THSD7A: variants seen among roughly 807,000 people sequenced by gnomAD.
The protein encoded by THSD7A is thrombospondin type 1 domain containing 7A.
In THSD7A, 96 loss-of-function variants were observed where a neutral mutation model predicts 231.3. That is an observed-to-expected ratio of 0.41 (90% confidence interval 0.35 to 0.49). The LOEUF (loss-of-function observed/expected upper bound fraction) is 0.49, where lower values mean the gene tolerates loss of function less well. Ranked by LOEUF, THSD7A falls within the 20% of genes least tolerant of loss-of-function variation. The probability of loss-of-function intolerance (pLI) is 0.05; values close to 1 mark genes in which losing one functional copy is unlikely to be tolerated. For missense variants in THSD7A, 2,290 were observed against 2,070.2 expected, an observed-to-expected ratio of 1.11 and a Z score of -2.06; for synonymous variants, 940 against 743.3, an observed-to-expected ratio of 1.26 and a Z score of -4.30.
At chr7:11,645,331 A>G (rs935980117) in intron 1 of THSD7A, among the ~76,000 whole-genome samples, 1 of 151,622 alleles carries the variant, frequency 6.6e-6, no homozygotes, top group Non-Finnish European at 1.5e-5. Context: ...TGTATTTCCC[A>G]TCAGTGTTTT....
At chr7:11,379,970 A>G (rs1277256113) in intron 24 of THSD7A, among the ~76,000 whole-genome samples, 3 of 152,170 alleles carry the variant, frequency 2.0e-5, no homozygotes, top group Non-Finnish European at 2.9e-5. Context: ...GAATGATTTT[A>G]TAGCTGCTAT....
At chr7:11,809,141 A>C (rs182118014) in intron 1 of THSD7A, among the ~76,000 whole-genome samples, 11 of 152,312 alleles carry the variant, frequency 7.2e-5, no homozygotes, top group Middle Eastern at 3.4e-3. Flanking sequence ...TGACTAAGAC[A>C]GCTTTTGCCT....
intron 1 of THSD7A, among the ~76,000 whole-genome samples, chr7:11,794,312 G>A (rs1784054206): frequency 6.6e-6 from 1 of 151,902 alleles, no homozygotes; most frequent in Admixed American, 6.6e-5. Flanking sequence ...TCAAAGCTCT[G>A]ACAGTGTTTC....
intron 6 of THSD7A, among the ~76,000 whole-genome samples, chr7:11,488,258 T>A (rs1211912244): frequency 6.6e-6 from 1 of 152,174 alleles, no homozygotes; most frequent in African/African-American, 2.4e-5. Flanking sequence ...CACATTGACT[T>A]TTGAGAGTGA....
chr7:11,513,574 A>T (rs1056902497), intron 6 of THSD7A, among the ~76,000 whole-genome samples: 4 of 152,188 alleles, frequency 2.6e-5, no homozygotes, highest in Non-Finnish European at 5.9e-5. Context: ...CATTCTATTT[A>T]TAGAAATACC....
At chr7:11,587,774 T>C (rs1377235279) in intron 4 of THSD7A, among the ~76,000 whole-genome samples, 1 of 152,190 alleles carries the variant, frequency 6.6e-6, no homozygotes, top group African/African-American at 2.4e-5. Flanking sequence ...TATGCTAAGG[T>C]AGTCAGTATC....
intron 1 of THSD7A, among the ~76,000 whole-genome samples, chr7:11,705,700 C>T (rs369064853): frequency 2.0e-5 from 3 of 150,962 alleles, no homozygotes; most frequent in African/African-American, 4.8e-5. Flanking sequence ...AGTGGGCAAA[C>T]GATTCTTTAG....
chr7:11,569,103 C>G (rs80), intron 4 of THSD7A, among the ~76,000 whole-genome samples: 127,227 of 152,030 alleles, frequency 0.84, 53,873 homozygotes, highest in African/African-American at 0.96. Context: ...AGAAAGCAAG[C>G]AAATGCTTCA....
At chr7:11,615,656 C>A (rs535042325) in intron 2 of THSD7A, among the ~76,000 whole-genome samples, 1 of 152,166 alleles carries the variant, frequency 6.6e-6, no homozygotes, top group South Asian at 2.1e-4. Flanking sequence ...AAGTGGTGGT[C>A]AGCTTTTTTG....
intron 1 of THSD7A, among the ~76,000 whole-genome samples, chr7:11,651,213 T>C (rs1427944253): frequency 6.6e-6 from 1 of 152,064 alleles, no homozygotes; most frequent in African/African-American, 2.4e-5. Context: ...ATCCCATTTA[T>C]ATGAAATACC....
chr7:11,757,476 G>C (rs67195807), intron 1 of THSD7A, among the ~76,000 whole-genome samples: 28,614 of 151,810 alleles, frequency 0.19, 3,381 homozygotes, highest in African/African-American at 0.33. Context: ...ATGAAAAAAA[G>C]AGAAGCAGTG....
intron 1 of THSD7A, among the ~76,000 whole-genome samples, chr7:11,769,153 A>ATATATTTTTTTTTTTTTTTTTTTT: frequency 3.6e-5 from 1 of 27,648 alleles, no homozygotes; most frequent in Non-Finnish European, 7.0e-5. Flanking sequence ...ATATATATAT[A>ATATATTTTTTTTTTTTTTTTTTTT]TTTTTTTTTT....
chr7:11,653,448 A>ATGTGTGTGTGTGTGTG (rs60933989), intron 1 of THSD7A, among the ~76,000 whole-genome samples: 17 of 127,132 alleles, frequency 1.3e-4, no homozygotes, highest in South Asian at 3.2e-4. Context: ...ACTCCCAGAT[A>ATGTGTGTGTGTGTGTG]TGTGTGTGTG....
At chr7:11,813,049 G>T (rs754699065) in intron 1 of THSD7A, among the ~76,000 whole-genome samples, 1 of 152,188 alleles carries the variant, frequency 6.6e-6, no homozygotes, top group Non-Finnish European at 1.5e-5. Context: ...CTGTGAAAAC[G>T]ATGTAGGCAA....
chr7:11,777,633 A>G (rs937311321), intron 1 of THSD7A, among the ~76,000 whole-genome samples: 8 of 152,234 alleles, frequency 5.3e-5, no homozygotes, highest in Admixed American at 4.6e-4. Context: ...CTGAATTCCT[A>G]TTGTTTGTCT....
chr7:11,390,747 T>C (rs1202954299), intron 23 of THSD7A, among the ~76,000 whole-genome samples: 1 of 152,238 alleles, frequency 6.6e-6, no homozygotes, highest in Non-Finnish European at 1.5e-5. Context: ...CATTGGTGTT[T>C]GATTTTGGTG....
chr7:11,444,866 CATT>C lies in THSD7A; in HGVS notation c.3064+1192_3064+1194del, dbSNP rs1784915774. 6.9e-6 allele frequency among the ~76,000 whole-genome samples: 1 copy of C among 145,902 alleles called. No homozygotes were observed. The highest frequency in any genetic ancestry group is 2.1e-4 in the South Asian group (1 of 4,682). ...AATTAAACTATATATATAAAACTATCATTATATATAACTATTTTATATATATAT... is the reference window on the plus strand; with the variant it reads ...AATTAAACTATATATATAAAACTATCATATATAACTATTTTATATATATAT... On this transcript the variant is annotated intron_variant, in intron 13 of 27. Transcript: ENST00000423059. The surrounding 1 kb of genome is among the most constrained non-coding windows in gnomAD (Gnocchi z 4.2).
chr7:11,511,955 G>C (rs1462960843), intron 6 of THSD7A, among the ~76,000 whole-genome samples: 1 of 152,128 alleles, frequency 6.6e-6, no homozygotes, highest in Non-Finnish European at 1.5e-5. Context: ...AAACTAAAGA[G>C]CTTCTGCACA....
intron 1 of THSD7A, among the ~76,000 whole-genome samples, chr7:11,778,517 A>G (rs751837537): frequency 1.1e-4 from 17 of 152,198 alleles, no homozygotes; most frequent in African/African-American, 1.7e-4. Flanking sequence ...ATCAAACTAA[A>G]TGGAAGCTAA....
Sources: allele counts gnomAD v4.1 joint callset (sites outside exome capture counted in the v4.1 genomes callset), GRCh38; gene constraint gnomAD v4.1.1; non-coding constraint Gnocchi (gnomAD v3.1); transcripts MANE v1.5; gene names NCBI Gene and HGNC (gene_info 2026-07-23, HGNC 2026-07-21).